Variants in CCDC178 observed in about 807,000 individuals in gnomAD.
CCDC178 encodes the protein coiled-coil domain-containing protein 178.
In CCDC178, 126 loss-of-function variants were observed where a neutral mutation model predicts 117.4. That is an observed-to-expected ratio of 1.07 (90% CI 0.93 to 1.24). The LOEUF is 1.24. Ranked by LOEUF, CCDC178 falls within the 50% of genes most tolerant of loss-of-function variation. The pLI, the probability that CCDC178 is intolerant of heterozygous loss-of-function variation, is 0.00. For missense variants in CCDC178, 1,030 were observed against 986.9 expected (o/e 1.04, Z -0.59); for synonymous variants, 283 against 313.4 (o/e 0.90, Z 1.02).
intron 5 of CCDC178, among the ~76,000 whole-genome samples, chr18:33,378,776 G>C (rs552892628): frequency 1.3e-5 from 2 of 152,228 alleles, no homozygotes; most frequent in Non-Finnish European, 2.9e-5. Context: ...TGCATCCCAG[G>C]AATAAAGCCT....
chr18:33,115,045 A>G (rs2145141808), intron 20 of CCDC178, among the ~76,000 whole-genome samples: 1 of 152,184 alleles, frequency 6.6e-6, no homozygotes, highest in East Asian at 1.9e-4. Context: ...CTCATGTTGC[A>G]CCAGAGAGAG....
At chr18:33,426,758 C>A (rs562590116) in intron 2 of CCDC178, among the ~76,000 whole-genome samples, 1 of 152,216 alleles carries the variant, frequency 6.6e-6, no homozygotes, top group Non-Finnish European at 1.5e-5. Context: ...ACTTTTCCTA[C>A]TGAAGAGATC....
At chr18:33,182,786 A>G (rs2058746026) in intron 20 of CCDC178, among the ~76,000 whole-genome samples, 1 of 152,028 alleles carries the variant, frequency 6.6e-6, no homozygotes, top group Non-Finnish European at 1.5e-5. Flanking sequence ...ATTAAAATGG[A>G]AAATCATTAA....
chr18:33,233,534 C>T (rs1331880295), intron 15 of CCDC178, among the ~76,000 whole-genome samples: 1 of 151,844 alleles, frequency 6.6e-6, no homozygotes, highest in African/African-American at 2.4e-5. Flanking sequence ...ATCACAATTA[C>T]TGGGAGACAG....
intron 11 of CCDC178, among the ~76,000 whole-genome samples, chr18:33,296,739 T>C (rs2062110684): frequency 6.6e-6 from 1 of 152,100 alleles, no homozygotes; most frequent in Admixed American, 6.6e-5. Context: ...TTAAGAATCA[T>C]ATTTTGGGCC....
chr18:33,112,208 C>T (rs923239400), intron 20 of CCDC178, among the ~76,000 whole-genome samples: 1 of 151,664 alleles, frequency 6.6e-6, no homozygotes, highest in African/African-American at 2.4e-5. Context: ...AAACAAAGCT[C>T]CGTAAGATGA....
chr18:33,420,732 C>T (rs984141107), intron 2 of CCDC178, among the ~76,000 whole-genome samples: 4 of 151,822 alleles, frequency 2.6e-5, no homozygotes, highest in Admixed American at 6.6e-5. Context: ...ACCAAACTCC[C>T]GTAACACACA....
At chr18:33,072,338 AAG>A (rs2057123852) in intron 21 of CCDC178, among the ~76,000 whole-genome samples, 3 of 152,210 alleles carry the variant, frequency 2.0e-5, no homozygotes, top group Admixed American at 2.0e-4. Flanking sequence ...AAATAAATCG[AAG>A]AGAGTCCCCA....
chr18:32,953,177 G>T (rs548302714), intron 22 of CCDC178, among the ~76,000 whole-genome samples: 1 of 152,188 alleles, frequency 6.6e-6, no homozygotes, highest in African/African-American at 2.4e-5. Flanking sequence ...AAGTTCCACA[G>T]ATTTTTATGC....
intron 20 of CCDC178, among the ~76,000 whole-genome samples, chr18:33,171,872 A>C (rs1795149331): frequency 6.6e-6 from 1 of 152,172 alleles, no homozygotes; most frequent in African/African-American, 2.4e-5. Flanking sequence ...GTATTCAAAC[A>C]ACTTCTATTT....
intron 8 of CCDC178, among the ~76,000 whole-genome samples, chr18:33,347,925 A>T (rs114130623): frequency 0.014 from 2,077 of 152,048 alleles, 38 homozygotes; most frequent in African/African-American, 0.048. Flanking sequence ...ACTACCTGCA[A>T]TTTTTTAGCA....
intron 20 of CCDC178, among the ~76,000 whole-genome samples, chr18:33,149,546 C>T (rs2058315966): frequency 6.6e-6 from 1 of 152,172 alleles, no homozygotes; most frequent in Admixed American, 6.5e-5. Flanking sequence ...CAGAGATACT[C>T]TGACCTTTGC....
chr18:33,106,500 A>T (rs1399911367), intron 20 of CCDC178, among the ~76,000 whole-genome samples: 1 of 151,516 alleles, frequency 6.6e-6, no homozygotes, highest in African/African-American at 2.4e-5. Flanking sequence ...AAATTGACAG[A>T]CTCCTGAACA....
intron 2 of CCDC178, among the ~76,000 whole-genome samples, chr18:33,435,835 G>A (rs1245752944): frequency 3.4e-5 from 5 of 146,716 alleles, no homozygotes; most frequent in African/African-American, 1.2e-4. Flanking sequence ...GAGGGATCTA[G>A]AATGACTCCC....
chr18:33,239,778 ACT>A (rs2059465342), intron 15 of CCDC178, among the ~76,000 whole-genome samples: 1 of 151,758 alleles, frequency 6.6e-6, no homozygotes, highest in Non-Finnish European at 1.5e-5. Context: ...TTAACAACCC[ACT>A]CTCAGCACTG....
At chr18:33,137,922 A>G (rs899513985) in intron 20 of CCDC178, among the ~76,000 whole-genome samples, 28 of 152,342 alleles carry the variant, frequency 1.8e-4, no homozygotes, top group African/African-American at 6.0e-4. Flanking sequence ...TCTGTAATTC[A>G]ATAGTGTAAT....
At chr18:33,316,463 C>T (rs1391755224) in intron 11 of CCDC178, among the ~76,000 whole-genome samples, 1 of 152,070 alleles carries the variant, frequency 6.6e-6, no homozygotes, top group East Asian at 1.9e-4. Flanking sequence ...CCCCCCGCAC[C>T]CCTCCCCCCA....
intron 11 of CCDC178, among the ~76,000 whole-genome samples, chr18:33,319,712 C>G (rs1273557944): frequency 6.6e-6 from 1 of 152,146 alleles, no homozygotes; most frequent in Non-Finnish European, 1.5e-5. Flanking sequence ...TGTTTCCTGA[C>G]TTTTTAATGA....
At chr18:33,349,434 A>C (rs890811580) in intron 7 of CCDC178, among the ~76,000 whole-genome samples, 2 of 151,930 alleles carry the variant, frequency 1.3e-5, no homozygotes, top group Non-Finnish European at 2.9e-5. Context: ...CCTAGTAGCT[A>C]TACTGTTGGA....
Sources: allele counts gnomAD v4.1 joint callset (sites outside exome capture counted in the v4.1 genomes callset), GRCh38; gene constraint gnomAD v4.1.1; transcripts MANE v1.5; gene names NCBI Gene and HGNC (gene_info 2026-07-23, HGNC 2026-07-21).